SKAP2: variants seen among roughly 807,000 people sequenced by gnomAD.
SKAP2 encodes the protein src kinase-associated phosphoprotein 2.
A neutral mutation model predicts 54.9 loss-of-function variants in SKAP2; 28 were observed. That is an observed-to-expected ratio of 0.51 (90% confidence interval 0.38 to 0.70). The LOEUF (loss-of-function observed/expected upper bound fraction) is 0.70. SKAP2 is among the 30% of genes least tolerant of loss of function. The pLI, the probability that SKAP2 is intolerant of heterozygous loss-of-function variation, is 0.00. For missense variants in SKAP2, 356 were observed against 424.1 expected (o/e 0.84, Z 1.41); for synonymous variants, 137 against 134.3 (o/e 1.02, Z -0.14).
intron 6 of SKAP2, among the ~76,000 whole-genome samples, chr7:26,738,279 A>G (rs1787983902): frequency 6.6e-6 from 1 of 152,252 alleles, no homozygotes; most frequent in South Asian, 2.1e-4. Flanking sequence ...ACAAGTTAAC[A>G]TAGCTAACGT....
chr7:26,716,676 G>A (rs1399426669), intron 9 of SKAP2, among the ~76,000 whole-genome samples: 3 of 151,834 alleles, frequency 2.0e-5, no homozygotes, highest in South Asian at 4.2e-4. Context: ...ATTGTTTTAC[G>A]TGGTCACCTT....
the SKAP2 span, among the ~76,000 whole-genome samples, chr7:26,661,335 G>GT: frequency 4.6e-5 from 7 of 152,080 alleles, no homozygotes; most frequent in Admixed American, 4.6e-4. Context: ...TGCATCTGAT[G>GT]TTTTTTAACT....
chr7:26,830,652 T>TAA (rs1174492616), intron 4 of SKAP2, among the ~76,000 whole-genome samples: 2 of 152,186 alleles, frequency 1.3e-5, no homozygotes, highest in African/African-American at 4.8e-5. Flanking sequence ...CTAATTCTTA[T>TAA]AACTTCCTTG....
chr7:26,859,044 G>C (rs927522510), intron 1 of SKAP2, among the ~76,000 whole-genome samples: 1 of 152,106 alleles, frequency 6.6e-6, no homozygotes, highest in African/African-American at 2.4e-5. Context: ...GGGGGAGGGG[G>C]AGGGCGCAAG....
chr7:26,660,026 T>C, the SKAP2 span, among the ~76,000 whole-genome samples: 1 of 152,146 alleles, frequency 6.6e-6, no homozygotes, highest in Non-Finnish European at 1.5e-5. Flanking sequence ...GATGAGATGC[T>C]TCTCTTCTCA....
intron 4 of SKAP2, among the ~76,000 whole-genome samples, chr7:26,826,384 A>C (rs1048707745): frequency 6.6e-6 from 1 of 152,188 alleles, no homozygotes; most frequent in Non-Finnish European, 1.5e-5. Flanking sequence ...ACCTGGATCT[A>C]GGTGGGCAAG....
At chr7:26,756,299 G>T (rs11972823) in intron 4 of SKAP2, among the ~76,000 whole-genome samples, 15,630 of 152,064 alleles carry the variant, frequency 0.1, 1,038 homozygotes, top group African/African-American at 0.18. Flanking sequence ...TTTACATTAG[G>T]TATATCTCCT....
chr7:26,769,655 T>C (rs1355110764), intron 4 of SKAP2, among the ~76,000 whole-genome samples: 1 of 152,174 alleles, frequency 6.6e-6, no homozygotes. Context: ...GTCGTCCTTT[T>C]TGTTGATGTT....
At chr7:26,815,428 AT>A (rs1458589725) in intron 4 of SKAP2, among the ~76,000 whole-genome samples, 3 of 152,178 alleles carry the variant, frequency 2.0e-5, no homozygotes, top group African/African-American at 7.2e-5. Flanking sequence ...CTGCCATGCT[AT>A]CATAAATGGC....
chr7:26,713,809 C>T (rs1406473341), intron 9 of SKAP2, among the ~76,000 whole-genome samples: 5 of 152,188 alleles, frequency 3.3e-5, no homozygotes, highest in African/African-American at 7.2e-5. Flanking sequence ...CTGTGTTAGC[C>T]AGGATGGTCT....
intron 1 of SKAP2, among the ~76,000 whole-genome samples, chr7:26,860,513 A>C (rs1327862450): frequency 6.6e-6 from 1 of 152,086 alleles, no homozygotes; most frequent in Non-Finnish European, 1.5e-5. Context: ...GCTCCATAGG[A>C]AAACCCAGGT....
chr7:26,837,726 C>T (rs934872435), intron 4 of SKAP2, among the ~76,000 whole-genome samples: 3 of 151,024 alleles, frequency 2.0e-5, no homozygotes, highest in African/African-American at 7.3e-5. Context: ...TAACAAGCTC[C>T]CAGATGATGC....
At chr7:26,845,663 G>T (rs1236665025) in intron 3 of SKAP2, among the ~76,000 whole-genome samples, 1 of 152,176 alleles carries the variant, frequency 6.6e-6, no homozygotes, top group Non-Finnish European at 1.5e-5. Context: ...TGGTGGCAGT[G>T]CTCACGCCTG....
At chr7:26,758,364 A>G (rs1782847609) in intron 4 of SKAP2, among the ~76,000 whole-genome samples, 1 of 152,220 alleles carries the variant, frequency 6.6e-6, no homozygotes, top group African/African-American at 2.4e-5. Flanking sequence ...GAAAAATGCC[A>G]CCCATTCATC....
chr7:26,684,250 C>T (rs1235763177), intron 11 of SKAP2, among the ~76,000 whole-genome samples: 2 of 152,026 alleles, frequency 1.3e-5, no homozygotes, highest in Non-Finnish European at 2.9e-5. Context: ...AAAAAATTAC[C>T]TAAGCCTGTC....
rs193256116 is a variant in SKAP2, at chr7:26,724,750, T to C, written c.796+678A>G. 3.0e-3 allele frequency among the ~76,000 whole-genome samples: 452 copies of C among 152,296 alleles called. 4 individuals are homozygous for C. Among genetic ancestry groups the C allele is most frequent in the African/African-American group, 0.01 (434 of 41,562 alleles). On this transcript the variant is annotated intron_variant, in intron 9 of 12. Transcript: ENST00000345317. The stretch of plus-strand genomic sequence containing the variant: ...TTTCATATGTTTCCTAAATTTCAGA[T>C]GTCTTTTTATTTTAGATTGATCCTC...
chr7:26,736,370 C>CT (rs889295168), intron 6 of SKAP2, among the ~76,000 whole-genome samples: 1 of 152,172 alleles, frequency 6.6e-6, no homozygotes, highest in African/African-American at 2.4e-5. Context: ...AAAGACACTC[C>CT]TACCAGTGCC....
rs181678162 is a variant in SKAP2 at position 26,800,857 on chromosome 7, C to A, written c.307+43173G>T. ...CAACAAGATTGAAGCTGTAATAAAACATCTCCCAGTAAAGAAAAGCCCAGG... is the reference window on the plus strand; with the variant it reads ...CAACAAGATTGAAGCTGTAATAAAAAATCTCCCAGTAAAGAAAAGCCCAGG... On this transcript the variant is annotated intron_variant, in intron 4 of 12. Transcript: ENST00000345317. Among the ~76,000 whole-genome samples the A allele has an allele frequency of 4.5e-3, 679 of 152,168 alleles. 2 individuals are homozygous for A. The highest frequency in any genetic ancestry group is 0.015 in the African/African-American group (642 of 41,536).
chr7:26,833,696 A>C (rs931745198), intron 4 of SKAP2, among the ~76,000 whole-genome samples: 3 of 152,202 alleles, frequency 2.0e-5, no homozygotes, highest in Admixed American at 2.0e-4. Context: ...TATGCACCCA[A>C]TACAGGAGCA....
Sources: gnomAD v4.1 joint callset for allele counts (sites outside exome capture counted in the v4.1 genomes callset) on GRCh38, gnomAD v4.1.1 for gene constraint, MANE v1.5 for transcripts, NCBI Gene and HGNC (gene_info 2026-07-23, HGNC 2026-07-21) for gene names.